NTM: variants seen among roughly 807,000 people sequenced by gnomAD.
NTM encodes the protein neurotrimin.
A neutral mutation model predicts 42.1 loss-of-function variants in NTM; 13 were observed. The observed-to-expected ratio is 0.31, with a 90% CI of 0.20 to 0.49. The LOEUF (loss-of-function observed/expected upper bound fraction) is 0.49, where lower values mean the gene tolerates loss of function less well. NTM is among the 20% of genes least tolerant of loss of function. The pLI is 0.99. For missense variants in NTM, 373 were observed against 452.8 expected, an observed-to-expected ratio of 0.82 and a Z score of 1.60; for synonymous variants, 187 against 179.2, an observed-to-expected ratio of 1.04 and a Z score of -0.35.
At chr11:131,688,424 A>G (rs1415422809) in intron 1 of NTM, among the ~76,000 whole-genome samples, 1 of 152,272 alleles carries the variant, frequency 6.6e-6, no homozygotes, top group African/African-American at 2.4e-5. Flanking sequence ...AATGCCTTCC[A>G]AACACATCAG....
At chr11:131,616,778 G>GTGTGTGTGTGTGTGTGTGTGT (rs1555166353) in intron 1 of NTM, among the ~76,000 whole-genome samples, 6 of 141,980 alleles carry the variant, frequency 4.2e-5, no homozygotes, top group African/African-American at 1.6e-4. Flanking sequence ...GTCTTGAGGG[G>GTGTGTGTGTGTGTGTGTGTGT]GTGTGTGTGT....
intron 1 of NTM, among the ~76,000 whole-genome samples, chr11:131,408,492 A>G (rs181088240): frequency 6.6e-6 from 1 of 152,352 alleles, no homozygotes; most frequent in Non-Finnish European, 1.5e-5. Context: ...CATTCTAGGT[A>G]AAATTTTAAT....
At chr11:132,314,351 T>G (rs1314276691) in intron 6 of NTM, among the ~76,000 whole-genome samples, 1 of 152,206 alleles carries the variant, frequency 6.6e-6, no homozygotes, top group Non-Finnish European at 1.5e-5. Context: ...TGGGCACATG[T>G]GTGAAAATCA....
intron 2 of NTM, among the ~76,000 whole-genome samples, chr11:131,991,104 T>G (rs753974588): frequency 6.6e-6 from 1 of 152,204 alleles, no homozygotes; most frequent in Non-Finnish European, 1.5e-5. Flanking sequence ...ATGGAGCAGA[T>G]GCAATGCCAT....
chr11:131,805,869 T>A (rs907813497), intron 1 of NTM, among the ~76,000 whole-genome samples: 4 of 152,212 alleles, frequency 2.6e-5, no homozygotes, highest in Non-Finnish European at 4.4e-5. Flanking sequence ...GAAAGCTTTA[T>A]GCTTTAAAAA....
intron 2 of NTM, among the ~76,000 whole-genome samples, chr11:132,058,664 G>A (rs1367024113): frequency 6.6e-6 from 1 of 152,144 alleles, no homozygotes; most frequent in Non-Finnish European, 1.5e-5. Flanking sequence ...GGCTGGGGCA[G>A]GGAGTTCAGA....
chr11:131,691,988 A>G (rs995383518), intron 1 of NTM, among the ~76,000 whole-genome samples: 4 of 152,350 alleles, frequency 2.6e-5, no homozygotes, highest in Admixed American at 6.5e-5. Context: ...GACTGCGGGC[A>G]GGCGTGGGAA....
intron 1 of NTM, among the ~76,000 whole-genome samples, chr11:131,894,931 G>A (rs2052017526): frequency 6.6e-6 from 1 of 152,222 alleles, no homozygotes; most frequent in South Asian, 2.1e-4. Flanking sequence ...CAGTGTGGGA[G>A]AAGAGCAGGC....
intron 2 of NTM, among the ~76,000 whole-genome samples, chr11:132,053,317 T>C (rs2079121749): frequency 6.6e-6 from 1 of 152,210 alleles, no homozygotes. Flanking sequence ...ATGGTCATTC[T>C]TTCGGTGACA....
chr11:131,907,234 T>C (rs2053995077), intron 1 of NTM, among the ~76,000 whole-genome samples: 1 of 152,226 alleles, frequency 6.6e-6, no homozygotes, highest in Admixed American at 6.5e-5. Context: ...GCTCTTTAGC[T>C]GGCCCCAGCT....
chr11:131,679,824 C>A (rs2072111649), intron 1 of NTM, among the ~76,000 whole-genome samples: 1 of 152,050 alleles, frequency 6.6e-6, no homozygotes, highest in African/African-American at 2.4e-5. Flanking sequence ...TCCCAGTCAC[C>A]CTGATGCAGG....
intron 2 of NTM, among the ~76,000 whole-genome samples, chr11:131,922,609 C>T (rs899770904): frequency 6.6e-6 from 1 of 152,104 alleles, no homozygotes; most frequent in Non-Finnish European, 1.5e-5. Flanking sequence ...TGAATCAGAC[C>T]ACTTTTTACC....
Position 131,699,658 on chromosome 11 carries a change from A to G in NTM, c.83-211906A>G, listed in dbSNP as rs1016963630. On this transcript the variant is annotated intron_variant, in intron 1 of 8. Coordinates refer to ENST00000683400, the MANE Select transcript of NTM (RefSeq NM_001352005.2). ...CTGGGGAGGCCTCAGGCAGCTTACA[A>G]TCATGGAGGAAGGGGAAGCAAACGC... Among the ~76,000 whole-genome samples, 16 of 152,274 alleles carry G rather than the reference A, an allele frequency of 1.1e-4. No individual in the cohort carries two copies. In the East Asian group the frequency reaches 1.2e-3, roughly 11 times the overall value.
At chr11:131,547,479 C>T (rs2054098724) in intron 1 of NTM, among the ~76,000 whole-genome samples, 1 of 152,156 alleles carries the variant, frequency 6.6e-6, no homozygotes, top group Admixed American at 6.5e-5. Context: ...ATGCCAGGCG[C>T]TAACCGTGGG....
intron 4 of NTM, among the ~76,000 whole-genome samples, chr11:132,275,726 GTATATATACGTATATATATATGTGTA>G (rs1185331023): frequency 1.4e-4 from 11 of 80,970 alleles, no homozygotes; most frequent in Middle Eastern, 0.016. Flanking sequence ...ATATATATAC[GTATATATACGTATATATATATGTGTA>G]TATATATATA....
intron 1 of NTM, among the ~76,000 whole-genome samples, chr11:131,621,825 GAAAAAAAA>G (rs34307645): frequency 1.9e-5 from 2 of 105,538 alleles, no homozygotes; most frequent in Non-Finnish European, 3.7e-5. Context: ...TCAACTCAAA[GAAAAAAAA>G]AAAAAAAAAA....
intron 4 of NTM, among the ~76,000 whole-genome samples, chr11:132,259,940 G>A (rs2092742805): frequency 1.3e-5 from 2 of 151,786 alleles, no homozygotes; most frequent in Non-Finnish European, 2.9e-5. Flanking sequence ...GTAGAGACGG[G>A]GTTTCACCAT....
intron 3 of NTM, among the ~76,000 whole-genome samples, chr11:132,189,895 A>G (rs1460708575): frequency 6.6e-6 from 1 of 152,224 alleles, no homozygotes; most frequent in East Asian, 1.9e-4. Context: ...TGGGGGCCAT[A>G]AAGGCGAAGC....
chr11:131,466,372 G>C (rs2324488), intron 1 of NTM, among the ~76,000 whole-genome samples: 4,964 of 152,212 alleles, frequency 0.033, 249 homozygotes, highest in African/African-American at 0.11. Context: ...TACAACAGGT[G>C]CTATTATTAT....
Sources: allele counts gnomAD v4.1 joint callset (sites outside exome capture counted in the v4.1 genomes callset), GRCh38; gene constraint gnomAD v4.1.1; transcripts MANE v1.5; gene names NCBI Gene and HGNC (gene_info 2026-07-23, HGNC 2026-07-21).